Variants in BCAS3 observed in about 807,000 individuals in gnomAD.
BCAS3 encodes the protein BCAS3 microtubule associated cell migration factor.
Under a neutral mutation model 116.1 loss-of-function variants are expected in BCAS3, and 53 were observed. The observed-to-expected ratio is 0.46, with a 90% CI of 0.37 to 0.57. The LOEUF is 0.57. Ranked by LOEUF, BCAS3 falls within the 20% of genes least tolerant of loss-of-function variation. BCAS3 has a pLI of 0.00. For missense variants in BCAS3, 917 were observed against 1,165.4 expected (o/e 0.79, Z 3.10); for synonymous variants, 391 against 408.2 (o/e 0.96, Z 0.51).
chr17:60,780,076 G>A (rs1354128725), intron 6 of BCAS3, among the ~76,000 whole-genome samples: 2 of 150,282 alleles, frequency 1.3e-5, no homozygotes, highest in Non-Finnish European at 3.0e-5. Flanking sequence ...TGCAAGCTCC[G>A]CCTCCTGGAT....
intron 19 of BCAS3, among the ~76,000 whole-genome samples, chr17:61,069,052 G>T (rs1299490288): frequency 6.6e-6 from 1 of 152,020 alleles, no homozygotes; most frequent in Non-Finnish European, 1.5e-5. Flanking sequence ...AGCCAAAGAA[G>T]CATTAGGTAA....
intron 14 of BCAS3, among the ~76,000 whole-genome samples, chr17:60,976,427 A>G (rs2062374537): frequency 7.3e-6 from 1 of 136,524 alleles, no homozygotes; most frequent in South Asian, 2.1e-4. Flanking sequence ...TTTGGAAACA[A>G]TATATATATA....
chr17:60,810,430 G>A (rs144295017), intron 7 of BCAS3: 11 of 563,926 alleles, frequency 2.0e-5, no homozygotes, highest in South Asian at 6.0e-5. Flanking sequence ...AAGCCTGGAC[G>A]ATTGCCTGGC....
rs775624867 is a variant in BCAS3, at chr17:61,222,478, C to G, written c.2425+137914C>G. Among the ~76,000 whole-genome samples the G allele has an allele frequency of 2.0e-5, 3 of 152,122 alleles. No homozygotes were observed. The highest frequency in any genetic ancestry group is 4.4e-5 in the Non-Finnish European group (3 of 68,022). On this transcript the variant is annotated intron_variant, in intron 22 of 23. Transcript: ENST00000407086. The surrounding 1 kb of genome is among the most constrained non-coding windows in gnomAD (Gnocchi z 6.1). ...AAGTCTACTTAAAAAGAAAAGGACT[C>G]GTAGCATTCCTCTTTTCGCTGTTGC...
In BCAS3 at chr17:61,161,978, C is replaced by T. The variant is rs2078194507; in HGVS notation, c.2425+77414C>T. ...ATTTAATAACTAAATTGGATTCCTTCTACTAAGAGATCCTAAATTCGTGTT... is the reference window on the plus strand; with the variant it reads ...ATTTAATAACTAAATTGGATTCCTTTTACTAAGAGATCCTAAATTCGTGTT... On this transcript the variant is annotated intron_variant, in intron 22 of 23. Transcript: ENST00000407086. The surrounding 1 kb of genome is among the most constrained non-coding windows in gnomAD (Gnocchi z 4.8). Among the ~76,000 whole-genome samples the T allele has an allele frequency of 6.6e-6, 1 of 152,148 alleles. No homozygotes were observed. The highest frequency in any genetic ancestry group is 6.5e-5 in the Admixed American group (1 of 15,278).
chr17:61,169,605 T>A (rs1202778025), intron 22 of BCAS3, among the ~76,000 whole-genome samples: 1 of 152,174 alleles, frequency 6.6e-6, no homozygotes, highest in South Asian at 2.1e-4. Flanking sequence ...CAGTGTACTT[T>A]AGAAGCACTC....
intron 14 of BCAS3, among the ~76,000 whole-genome samples, chr17:60,959,719 C>T (rs2061323741): frequency 6.6e-6 from 1 of 152,132 alleles, no homozygotes; most frequent in African/African-American, 2.4e-5. Context: ...GTGGTTACTA[C>T]AACAAATTGC....
At position 60,927,577 on chromosome 17, in the gene BCAS3, A is replaced by G. The variant is rs142663760; in HGVS notation, c.1087+3077A>G. On this transcript the variant is annotated intron_variant, in intron 13 of 23. Coordinates refer to ENST00000407086, the MANE Select transcript of BCAS3 (RefSeq NM_017679.5). ...GTCCTTTCCTTATTTTTCTATAGAAATTTTGATGAGATTCTACTAAAGTTC... is the reference window on the plus strand; with the variant it reads ...GTCCTTTCCTTATTTTTCTATAGAAGTTTTGATGAGATTCTACTAAAGTTC... Among the ~76,000 whole-genome samples, 47 of 152,244 alleles carry G rather than the reference A, an allele frequency of 3.1e-4. No individual in the cohort carries two copies. In the East Asian group the frequency reaches 8.3e-3, roughly 27 times the overall value.
chr17:61,176,774 A>G (rs2079176210), intron 22 of BCAS3, among the ~76,000 whole-genome samples: 1 of 152,016 alleles, frequency 6.6e-6, no homozygotes, highest in Non-Finnish European at 1.5e-5. Context: ...GTGCCCAGGC[A>G]GGTCTTGAAC....
chr17:61,375,218 TTGTG>T lies in BCAS3; in HGVS notation c.2593+6758_2593+6761del, dbSNP rs59961930. Reference sequence around the variant, plus strand: ...GCAAAAGATGACCTAAAAGCACTATTTGTGTGTGTGTGTGTGTGTGTGTGTGTGT... The same window carrying T: ...GCAAAAGATGACCTAAAAGCACTATTTGTGTGTGTGTGTGTGTGTGTGTGT... On this transcript the variant is annotated intron_variant, in intron 23 of 23. Transcript: ENST00000407086. Among the ~76,000 whole-genome samples, 653 of 142,740 alleles carry T rather than the reference TTGTG, an allele frequency of 4.6e-3. 7 individuals are homozygous for T. The highest frequency in any genetic ancestry group is 0.014 in the African/African-American group (521 of 37,042). 93.6% of individuals were successfully genotyped at this position (142,740 alleles called of 152,430 possible).
chr17:60,827,078 G>C (rs2050497533), intron 7 of BCAS3, among the ~76,000 whole-genome samples: 1 of 152,144 alleles, frequency 6.6e-6, no homozygotes, highest in Non-Finnish European at 1.5e-5. Context: ...GAACTAACAA[G>C]GGTTTTGGAG....
At position 61,095,856 on chromosome 17, in the gene BCAS3, C is replaced by T. The variant is rs1210222924; in HGVS notation, c.2425+11292C>T. On this transcript the variant is annotated intron_variant, in intron 22 of 23. Transcript: ENST00000407086. The surrounding 1 kb of genome is among the most constrained non-coding windows in gnomAD (Gnocchi z 4.7). ...ATGCATATTCTCGTACACACACACA[C>T]ACACACACACACACACATTAAATTA... 2.0e-5 allele frequency among the ~76,000 whole-genome samples: 3 copies of T among 151,998 alleles called. No homozygotes were observed. The highest frequency in any genetic ancestry group is 1.3e-4 in the Admixed American group (2 of 15,240).
chr17:60,822,177 G>T (rs1212735527), intron 7 of BCAS3, among the ~76,000 whole-genome samples: 1 of 152,150 alleles, frequency 6.6e-6, no homozygotes, highest in Non-Finnish European at 1.5e-5. Flanking sequence ...TTTCAAAGTG[G>T]TTGTACAATT....
At position 61,365,402 on chromosome 17, in the gene BCAS3, C is replaced by T. The variant is rs561917188; in HGVS notation, c.2426-2925C>T. Among the ~76,000 whole-genome samples the T allele has an allele frequency of 2.0e-5, 3 of 152,254 alleles. No individual in the cohort carries two copies. The highest frequency in any genetic ancestry group is 2.1e-4 in the South Asian group (1 of 4,820). On this transcript the variant is annotated intron_variant, in intron 22 of 23. Coordinates refer to ENST00000407086, the MANE Select transcript of BCAS3 (RefSeq NM_017679.5). The surrounding 1 kb of genome is among the most constrained non-coding windows in gnomAD (Gnocchi z 4.6). ...AGGCTGGAGTGCAGTGGCTCAATCT[C>T]GGCTCACTGCAACCTCTGCCTCCCA... is the stretch of plus-strand genomic sequence containing the variant.
chr17:60,827,588 A>T (rs2050545404), intron 7 of BCAS3, among the ~76,000 whole-genome samples: 2 of 152,192 alleles, frequency 1.3e-5, no homozygotes, highest in Admixed American at 6.5e-5. Flanking sequence ...AGGTATATGG[A>T]AATATGATGA....
intron 22 of BCAS3, among the ~76,000 whole-genome samples, chr17:61,117,638 C>G (rs1399687520): frequency 6.6e-6 from 1 of 152,074 alleles, no homozygotes; most frequent in Non-Finnish European, 1.5e-5. Context: ...CCACTTCATT[C>G]TTTTTTATAT....
At chr17:60,695,119 A>ATTTT (rs61173709) in intron 4 of BCAS3, among the ~76,000 whole-genome samples, 8 of 129,166 alleles carry the variant, frequency 6.2e-5, no homozygotes, top group African/African-American at 1.8e-4. Flanking sequence ...TATATACCAC[A>ATTTT]TTTTTTTTTT....
At chr17:60,776,399 G>A (rs1009710520) in intron 6 of BCAS3, among the ~76,000 whole-genome samples, 2 of 152,126 alleles carry the variant, frequency 1.3e-5, no homozygotes, top group Non-Finnish European at 2.9e-5. Context: ...TGTAACTAAT[G>A]TCCTTCTTTA....
intron 18 of BCAS3, among the ~76,000 whole-genome samples, chr17:61,040,196 A>C (rs2067393063): frequency 6.6e-6 from 1 of 152,220 alleles, no homozygotes; most frequent in African/African-American, 2.4e-5. Context: ...TGATTTTTGG[A>C]GGCTCCAGCA....
Sources: allele counts gnomAD v4.1 joint callset (sites outside exome capture counted in the v4.1 genomes callset), GRCh38; gene constraint gnomAD v4.1.1; non-coding constraint Gnocchi (gnomAD v3.1); transcripts MANE v1.5; gene names NCBI Gene and HGNC (gene_info 2026-07-23, HGNC 2026-07-21).